The following PCDHGB1 variants were observed in gnomAD, a reference collection of about 807,000 sequenced individuals.
PCDHGB1 encodes the protein protocadherin gamma-B1.
A neutral mutation model predicts 56.6 loss-of-function variants in PCDHGB1; 34 were observed. That is an observed-to-expected ratio of 0.60 (90% CI 0.46 to 0.80). The LOEUF (loss-of-function observed/expected upper bound fraction) is 0.80. PCDHGB1 is among the 30% of genes least tolerant of loss of function. PCDHGB1 has a pLI of 0.00. For synonymous variants in PCDHGB1, 561 were observed against 505.9 expected (o/e 1.11, Z -1.46); for missense variants, 1,278 against 1,204.6 (o/e 1.06, Z -0.90).
In PCDHGB1 at chr5:141,385,425, T is replaced by C; in HGVS notation, c.2409+32756T>C. On this transcript the variant is annotated intron_variant, in intron 1 of 3. Coordinates refer to ENST00000523390, the MANE Select transcript of PCDHGB1 (RefSeq NM_018922.3). The stretch of plus-strand genomic sequence containing the variant: ...TTTTGAAAATAGGGATTTAAAAAAC[T>C]TTATAGAGGTAAAAATGAGTTTACC... The C allele has an allele frequency of 2.7e-6, 4 of 1,460,336 alleles. No individual in the cohort carries two copies. The South Asian group carries it at 4.4e-5, about 16-fold the overall frequency. The allele number at this position is 1,460,336 out of a possible 1,614,324, so 90.5% of individuals were successfully genotyped here. A position where few individuals can be genotyped will look rare whatever the true frequency, so the allele number is the denominator to read the frequency against.
chr5:141,394,202 G>A (rs1285720796), intron 1 of PCDHGB1: 2 of 1,613,832 alleles, frequency 1.2e-6, no homozygotes, highest in Non-Finnish European at 1.7e-6. Context: ...ATATCCTAGA[G>A]AACAACCTGA....
At chr5:141,419,658 A>T in intron 1 of PCDHGB1, 2 of 1,612,782 alleles carry the variant, frequency 1.2e-6, no homozygotes, top group Non-Finnish European at 1.7e-6. Flanking sequence ...GACTCGGGGC[A>T]CAATGCCTGG....
chr5:141,357,594 T>C (rs1473950050), intron 1 of PCDHGB1: 2 of 1,614,104 alleles, frequency 1.2e-6, no homozygotes, highest in Admixed American at 1.7e-5. Flanking sequence ...AGGATTTACT[T>C]GAAACAAAAG....
rs955615446 is a variant in PCDHGB1 at position 141,420,343 on chromosome 5, ATTATT to A, written c.2409+67678_2409+67682del. Reference sequence around the variant, plus strand: ...TGCCAATATATTCCAATATAGTGGTATTATTTTAAGATTCTAGATAACTTCTTCAT... The same window carrying A: ...TGCCAATATATTCCAATATAGTGGTATTAAGATTCTAGATAACTTCTTCAT... On this transcript the variant is annotated intron_variant, in intron 1 of 3. Transcript: ENST00000523390. 8 of 1,394,426 alleles carry A rather than the reference ATTATT, an allele frequency of 5.7e-6. No homozygotes were observed. In the African/African-American group the frequency reaches 1.2e-4, roughly 20 times the overall value. 86.4% of individuals were successfully genotyped at this position (1,394,426 alleles called of 1,614,324 possible).
At chr5:141,393,301 G>A (rs1398078406) in intron 1 of PCDHGB1, 2 of 1,613,768 alleles carry the variant, frequency 1.2e-6, no homozygotes, top group Non-Finnish European at 1.7e-6. Context: ...CCGGATGTGG[G>A]CGTGAACTCC....
chr5:141,440,618 C>G (rs1287745652), intron 1 of PCDHGB1: 3 of 152,196 alleles, frequency 2.0e-5, no homozygotes, highest in South Asian at 2.1e-4. Context: ...GCAGAAGATC[C>G]TGATGTTGAG....
At chr5:141,426,937 C>T in intron 1 of PCDHGB1, 1 of 456,736 alleles carries the variant, frequency 2.2e-6, no homozygotes, top group Non-Finnish European at 4.4e-6. Flanking sequence ...ATGGGTGACC[C>T]AGTCCCAACT....
At chr5:141,403,291 A>C in intron 1 of PCDHGB1, 1 of 1,613,918 alleles carries the variant, frequency 6.2e-7, no homozygotes, top group Non-Finnish European at 8.5e-7. Flanking sequence ...TTGAAGACAG[A>C]GTGAAACTGT....
chr5:141,421,342 G>A (rs199737254), intron 1 of PCDHGB1: 25 of 1,613,872 alleles, frequency 1.5e-5, no homozygotes, highest in Non-Finnish European at 1.9e-5. Context: ...GGTGCCAGAA[G>A]AGACCGAAAA....
rs61612330 is a variant in PCDHGB1 at position 141,454,796 on chromosome 5, A to ATTTTTTTTTT, written c.2410-39991_2410-39982dup. Among the ~76,000 whole-genome samples, 264 of 77,454 alleles carry ATTTTTTTTTT rather than the reference A, an allele frequency of 3.4e-3. 39 individuals carry two copies. Among genetic ancestry groups the ATTTTTTTTTT allele is most frequent in the African/African-American group, 0.012 (196 of 16,878 alleles). 50.8% of individuals were successfully genotyped at this position (77,454 alleles called of 152,430 possible). A position where few individuals can be genotyped will look rare whatever the true frequency, so the allele number is the denominator to read the frequency against. ...AAGGAAATAATCCTCCATGGTTCTA[A>ATTTTTTTTTT]TTTTTTTTTTTTTTTTTTTTTTTTT... On this transcript the variant is annotated intron_variant, in intron 1 of 3. Transcript: ENST00000523390.
At chr5:141,371,032 C>T (rs547337082) in intron 1 of PCDHGB1, 1 of 1,614,002 alleles carries the variant, frequency 6.2e-7, no homozygotes, top group Admixed American at 1.7e-5. Context: ...CTGGTCCTCA[C>T]AGCTGTGGAT....
chr5:141,384,503 A>G lies in PCDHGB1; in HGVS notation c.2409+31834A>G, dbSNP rs761415530. 6 of 1,614,192 alleles carry G rather than the reference A, an allele frequency of 3.7e-6. No homozygotes were observed. The highest frequency in any genetic ancestry group is 5.1e-6 in the Non-Finnish European group (6 of 1,180,018). ...GAACTACAACTAAGAGTGACTGCAC[A>G]TGACAGCGGGGACCCGCCTCTCAGC... On this transcript the variant is annotated intron_variant, in intron 1 of 3. Transcript: ENST00000523390.
chr5:141,384,651 C>T (rs138410124), intron 1 of PCDHGB1: 42,093 of 1,614,188 alleles, frequency 0.026, 638 homozygotes, highest in Non-Finnish European at 0.031. Context: ...CCGCAGAGCC[C>T]GGCTACCTGG....
chr5:141,491,138 C>T lies in PCDHGB1; in HGVS notation c.2410-3669C>T. The T allele has an allele frequency of 1.2e-6, 2 of 1,614,106 alleles. No individual in the cohort carries two copies. The highest frequency in any genetic ancestry group is 1.7e-6 in the Non-Finnish European group (2 of 1,179,962). On this transcript the variant is annotated intron_variant, in intron 1 of 3. Transcript: ENST00000523390. The surrounding 1 kb of genome is among the most constrained non-coding windows in gnomAD (Gnocchi z 6.9). ...ACTGGTGAGGTGCGCACAGCCCGGG[C>T]CTTACTGGAGGATGACTCTGACACC...
chr5:141,377,635 A>G (rs561038965), intron 1 of PCDHGB1: 1 of 151,932 alleles, frequency 6.6e-6, no homozygotes, highest in African/African-American at 2.4e-5. Flanking sequence ...GTTTTTTCTC[A>G]GTGTTACTTG....
intron 3 of PCDHGB1, among the ~76,000 whole-genome samples, chr5:141,510,034 T>A (rs2099879281): frequency 6.6e-6 from 1 of 152,156 alleles, no homozygotes; most frequent in Non-Finnish European, 1.5e-5. Flanking sequence ...TGGGCTGTTA[T>A]GTAGAGGTTA....
Position 141,394,937 on chromosome 5 carries a change from C to T in PCDHGB1, c.2409+42268C>T, listed in dbSNP as rs1224179687. 4.3e-6 allele frequency: 7 copies of T among 1,613,688 alleles called. No individual in the cohort carries two copies. In the East Asian group the frequency reaches 8.9e-5, roughly 21 times the overall value. ...TCTCCTGTGTCTTCCTCGCCTTTGT[C>T]GCTGTGCTTCTGGGGCTCAGGCTGA... On this transcript the variant is annotated intron_variant, in intron 1 of 3. Transcript: ENST00000523390.
intron 1 of PCDHGB1, among the ~76,000 whole-genome samples, chr5:141,442,612 A>C (rs1180568407): frequency 6.6e-6 from 1 of 152,212 alleles, no homozygotes; most frequent in Non-Finnish European, 1.5e-5. Flanking sequence ...ATCTCAGTAA[A>C]AAGCATTTCT....
intron 1 of PCDHGB1, among the ~76,000 whole-genome samples, chr5:141,435,375 A>G (rs80179854): frequency 0.034 from 5,131 of 152,264 alleles, 102 homozygotes; most frequent in Middle Eastern, 0.088. Flanking sequence ...TTAAATATAC[A>G]ATATACCGTA....
Sources: gnomAD v4.1 joint callset for allele counts (sites outside exome capture counted in the v4.1 genomes callset) on GRCh38, gnomAD v4.1.1 for gene constraint, Gnocchi (gnomAD v3.1) non-coding constraint, MANE v1.5 for transcripts, NCBI Gene and HGNC (gene_info 2026-07-23, HGNC 2026-07-21) for gene names.